SLCO5A1: variants seen among roughly 807,000 people sequenced by gnomAD.
The protein encoded by SLCO5A1 is organic anion transporter polypeptide-related protein 4.
SLCO5A1 carries 39 observed loss-of-function variants against 65.1 expected under a neutral mutation model. The observed-to-expected ratio is 0.60, with a 90% CI of 0.46 to 0.78. The LOEUF (loss-of-function observed/expected upper bound fraction) is 0.78, where lower values mean the gene tolerates loss of function less well. Among genes scored for constraint, SLCO5A1 ranks in the 30% least tolerant of loss-of-function variants. The probability of loss-of-function intolerance (pLI) is 0.00; values close to 1 mark genes in which losing one functional copy is unlikely to be tolerated. For missense variants in SLCO5A1, 1,029 were observed against 1,069.4 expected, an observed-to-expected ratio of 0.96 and a Z score of 0.53; for synonymous variants, 438 against 415.7, an observed-to-expected ratio of 1.05 and a Z score of -0.65.
At chr8:69,828,262 AT>A (rs138592070) in intron 2 of SLCO5A1, among the ~76,000 whole-genome samples, 7,577 of 139,628 alleles carry the variant, frequency 0.054, 251 homozygotes, top group African/African-American at 0.1. Flanking sequence ...CGCATTCATC[AT>A]TTTTTTTTTT....
rs918680883 is a variant in SLCO5A1 at position 69,731,716 on chromosome 8, C to T, written c.1423+6324G>A. 9.2e-5 allele frequency among the ~76,000 whole-genome samples: 14 copies of T among 152,274 alleles called. No homozygotes were observed. In the South Asian group the frequency reaches 2.7e-3, roughly 29 times the overall value. On this transcript the variant is annotated intron_variant, in intron 5 of 9. Transcript: ENST00000260126. ...GAGCCTATAATTTTCACTTTTTGTT[C>T]CTAATAGCGTCTATTCATCTCAATA...
At chr8:69,834,174 TCAG>T (rs1821309996) in intron 1 of SLCO5A1, 1 of 153,774 alleles carries the variant, frequency 6.5e-6, no homozygotes, top group Non-Finnish European at 1.4e-5. Flanking sequence ...CAGCTTGAAT[TCAG>T]CAAGAATCGA....
intron 2 of SLCO5A1, among the ~76,000 whole-genome samples, chr8:69,805,441 T>A (rs1285076391): frequency 2.0e-5 from 3 of 152,176 alleles, no homozygotes; most frequent in Admixed American, 6.5e-5. Flanking sequence ...CTACTTCTAG[T>A]TCCACTCAAG....
In SLCO5A1 at chr8:69,832,035, G is replaced by A. The variant is rs756778053; in HGVS notation, c.639C>T (p.Ala213=). ...AGGGGGGCGAGATGAAGTGAGGTAA[G>A]GCGAAGAGGGCTGCCCCGAAGGCGA... ...LLIAFGAALF[A]LPHFISPPYQ... The change falls in exon 2 of 10, where the codon GCC becomes GCT. Residue 213 remains alanine (A), a synonymous_variant. Coordinates refer to ENST00000260126, the MANE Select transcript of SLCO5A1 (RefSeq NM_030958.3). The surrounding 1 kb of genome is among the most constrained non-coding windows in gnomAD (Gnocchi z 4.5). 6.2e-7 allele frequency: 1 copy of A among 1,610,186 alleles called. No homozygotes were observed. The highest frequency in any genetic ancestry group is 8.5e-7 in the Non-Finnish European group (1 of 1,178,510).
intron 5 of SLCO5A1, among the ~76,000 whole-genome samples, chr8:69,733,283 T>C (rs1022367147): frequency 5.9e-5 from 9 of 152,236 alleles, no homozygotes; most frequent in African/African-American, 2.2e-4. Flanking sequence ...TTTCCATTTA[T>C]ATTGTTGTAC....
At chr8:69,814,345 TA>T (rs1249444601) in intron 2 of SLCO5A1, among the ~76,000 whole-genome samples, 1 of 151,896 alleles carries the variant, frequency 6.6e-6, no homozygotes, top group Non-Finnish European at 1.5e-5. Flanking sequence ...AAAATTCAAT[TA>T]AAAAATAGGC....
chr8:69,727,992 GTGACTTATACCTA>G (rs1816161816), intron 5 of SLCO5A1, among the ~76,000 whole-genome samples: 1 of 152,116 alleles, frequency 6.6e-6, no homozygotes, highest in Non-Finnish European at 1.5e-5. Context: ...TTAGTATGAA[GTGACTTATACCTA>G]TCACTATCAT....
At chr8:69,830,651 C>T (rs1821115600) in intron 2 of SLCO5A1, among the ~76,000 whole-genome samples, 1 of 152,186 alleles carries the variant, frequency 6.6e-6, no homozygotes, top group African/African-American at 2.4e-5. Context: ...TAAGAACCAG[C>T]TACTACAGGG....
chr8:69,786,814 C>G (rs1181536772), intron 2 of SLCO5A1, among the ~76,000 whole-genome samples: 1 of 152,098 alleles, frequency 6.6e-6, no homozygotes, highest in Non-Finnish European at 1.5e-5. Context: ...TTGGAGAAAG[C>G]TCTAAATTAA....
At chr8:69,819,332 C>T (rs1281030899) in intron 2 of SLCO5A1, among the ~76,000 whole-genome samples, 2 of 151,870 alleles carry the variant, frequency 1.3e-5, no homozygotes, top group African/African-American at 4.8e-5. Context: ...GAGACACCAC[C>T]GCCACCCCCT....
At chr8:69,826,392 G>A (rs1217379526) in intron 2 of SLCO5A1, among the ~76,000 whole-genome samples, 1 of 151,558 alleles carries the variant, frequency 6.6e-6, no homozygotes, top group Non-Finnish European at 1.5e-5. Flanking sequence ...CTGACAAAGG[G>A]CTAATATCCA....
intron 5 of SLCO5A1, among the ~76,000 whole-genome samples, chr8:69,730,829 C>T (rs538865466): frequency 7.2e-5 from 11 of 152,224 alleles, no homozygotes; most frequent in Non-Finnish European, 1.3e-4. Flanking sequence ...ACCAGTCTCA[C>T]TAAGACCCCT....
intron 2 of SLCO5A1, among the ~76,000 whole-genome samples, chr8:69,764,923 C>A (rs963087440): frequency 6.6e-6 from 1 of 152,054 alleles, no homozygotes; most frequent in Non-Finnish European, 1.5e-5. Context: ...GAGTGGCAAG[C>A]GGGATTGTGC....
At chr8:69,696,102 A>C (rs1006022146) in intron 6 of SLCO5A1, among the ~76,000 whole-genome samples, 29 of 152,192 alleles carry the variant, frequency 1.9e-4, no homozygotes, top group Admixed American at 1.9e-3. Context: ...AGTGCTGGGC[A>C]AGCCCAGCAG....
At chr8:69,834,597 T>G (rs1178085299) in intron 1 of SLCO5A1, among the ~76,000 whole-genome samples, 6 of 151,826 alleles carry the variant, frequency 4.0e-5, no homozygotes, top group Non-Finnish European at 8.8e-5. Flanking sequence ...GCGGGGGGCG[T>G]CCGAACCCCC....
intron 2 of SLCO5A1, among the ~76,000 whole-genome samples, chr8:69,783,559 GGAT>G (rs1221782007): frequency 2.0e-5 from 3 of 151,442 alleles, no homozygotes; most frequent in East Asian, 1.9e-4. Flanking sequence ...CTTCATAAAA[GGAT>G]GATGATGATG....
At position 69,667,606 on chromosome 8, in the gene SLCO5A1, A is replaced by G. The variant is rs1451761540; in HGVS notation, c.*5263T>C. The G allele has an allele frequency of 6.6e-6, 1 of 152,168 alleles. No homozygotes were observed. The highest frequency in any genetic ancestry group is 6.5e-5 in the Admixed American group (1 of 15,268). 9.4% of individuals were successfully genotyped at this position (152,168 alleles called of 1,614,324 possible). ...TTTGGTTTAATGTGTCCCTGCAATT[A>G]CTTTAGTTTCAATAATATTTTCTCC... On this transcript the variant is annotated 3_prime_UTR_variant, in exon 10 of 10. Coordinates refer to ENST00000260126, the MANE Select transcript of SLCO5A1 (RefSeq NM_030958.3).
At chr8:69,677,372 A>G (rs1388545035) in intron 8 of SLCO5A1, among the ~76,000 whole-genome samples, 2 of 152,220 alleles carry the variant, frequency 1.3e-5, no homozygotes, top group Non-Finnish European at 2.9e-5. Context: ...CCATTTATGA[A>G]CACCAAAAGA....
chr8:69,806,562 A>C (rs182634538), intron 2 of SLCO5A1, among the ~76,000 whole-genome samples: 1 of 152,328 alleles, frequency 6.6e-6, no homozygotes, highest in East Asian at 1.9e-4. Flanking sequence ...AAGATGAACC[A>C]GAACAGCTGA....
Sources: gnomAD v4.1 joint callset for allele counts (sites outside exome capture counted in the v4.1 genomes callset) on GRCh38, gnomAD v4.1.1 for gene constraint, Gnocchi (gnomAD v3.1) non-coding constraint, MANE v1.5 for transcripts, NCBI Gene and HGNC (gene_info 2026-07-23, HGNC 2026-07-21) for gene names.